The following APBA1 variants were observed in gnomAD, a reference collection of about 807,000 sequenced individuals.
The protein encoded by APBA1 is amyloid beta precursor protein binding family A member 1, also known as amyloid-beta A4 precursor protein-binding family A member 1.
In APBA1, 55 loss-of-function variants were observed where a neutral mutation model predicts 86.6. The ratio of observed to expected loss-of-function variants is 0.64; its 90% CI spans 0.51 to 0.80. The LOEUF (loss-of-function observed/expected upper bound fraction) is 0.80. Among genes scored for constraint, APBA1 ranks in the 30% least tolerant of loss-of-function variants. The pLI is 0.00. For synonymous variants in APBA1, 511 were observed against 493.9 expected, an observed-to-expected ratio of 1.03 and a Z score of -0.46; for missense variants, 1,090 against 1,183.0, an observed-to-expected ratio of 0.92 and a Z score of 1.15.
At chr9:69,442,022 C>T (rs1834832454) in intron 10 of APBA1, among the ~76,000 whole-genome samples, 1 of 152,182 alleles carries the variant, frequency 6.6e-6, no homozygotes, top group Admixed American at 6.5e-5. Flanking sequence ...CACAAGGCTA[C>T]ACTTGCCCTC....
At chr9:69,565,573 G>T (rs369077929) in intron 1 of APBA1, among the ~76,000 whole-genome samples, 1 of 151,972 alleles carries the variant, frequency 6.6e-6, no homozygotes, top group Admixed American at 6.5e-5. Context: ...TACTCCCATC[G>T]CATTTCTCTT....
intron 3 of APBA1, among the ~76,000 whole-genome samples, chr9:69,473,752 A>T (rs1490157855): frequency 6.6e-6 from 1 of 151,460 alleles, no homozygotes; most frequent in Admixed American, 6.6e-5. Flanking sequence ...TACCATCTTT[A>T]AAAAAAAAGC....
intron 2 of APBA1, among the ~76,000 whole-genome samples, chr9:69,489,541 AC>A (rs2133857673): frequency 6.8e-6 from 1 of 146,634 alleles, no homozygotes; most frequent in East Asian, 2.1e-4. Flanking sequence ...AAGGCAACCT[AC>A]AAAAATGGGA....
At chr9:69,445,202 C>T (rs1038067531) in intron 10 of APBA1, among the ~76,000 whole-genome samples, 2 of 152,146 alleles carry the variant, frequency 1.3e-5, no homozygotes, top group African/African-American at 4.8e-5. Flanking sequence ...CCGGTTCTTT[C>T]CTTCTCTGTG....
chr9:69,579,056 G>C (rs150865970), intron 1 of APBA1, among the ~76,000 whole-genome samples: 107 of 149,228 alleles, frequency 7.2e-4, no homozygotes, highest in Admixed American at 6.9e-3. Context: ...ATTTCAACGA[G>C]TTTTTTTTTT....
intron 1 of APBA1, among the ~76,000 whole-genome samples, chr9:69,521,610 A>G (rs1836253387): frequency 6.6e-6 from 1 of 152,196 alleles, no homozygotes; most frequent in East Asian, 1.9e-4. Context: ...TCATAGGGAA[A>G]CATTTTATGA....
intron 1 of APBA1, among the ~76,000 whole-genome samples, chr9:69,531,846 ACT>A (rs912416417): frequency 6.6e-6 from 1 of 152,198 alleles, no homozygotes; most frequent in Non-Finnish European, 1.5e-5. Context: ...AAGAATGCAC[ACT>A]GAGTCAGACT....
chr9:69,428,505 G>A lies in APBA1; in HGVS notation c.*2822C>T, dbSNP rs1409013159. 6.6e-6 allele frequency: 1 copy of A among 152,264 alleles called. No homozygotes were observed. The highest frequency in any genetic ancestry group is 1.5e-5 in the Non-Finnish European group (1 of 68,090). 9.4% of individuals were successfully genotyped at this position (152,264 alleles called of 1,614,324 possible). A position where few individuals can be genotyped will look rare whatever the true frequency, so the allele number is the denominator to read the frequency against. On this transcript the variant is annotated 3_prime_UTR_variant, in exon 13 of 13. Coordinates refer to ENST00000265381, the MANE Select transcript of APBA1 (RefSeq NM_001163.4). ...GTGCCTCTGCCTGGACCAGGAGGGG[G>A]AGGTGAACGTGGGAGTCCAACCCCA...
At chr9:69,462,906 G>C (rs1835213647) in intron 5 of APBA1, 1 of 152,148 alleles carries the variant, frequency 6.6e-6, no homozygotes, top group African/African-American at 2.4e-5. Flanking sequence ...CTGAAAACCT[G>C]TACTTCTAAG....
chr9:69,483,135 T>A (rs1157950633), intron 2 of APBA1, among the ~76,000 whole-genome samples: 11 of 131,554 alleles, frequency 8.4e-5, no homozygotes, highest in East Asian at 4.4e-4. Context: ...AAAAATTAAG[T>A]CAAAAAAACA....
At chr9:69,493,847 C>T (rs1025507799) in intron 2 of APBA1, among the ~76,000 whole-genome samples, 13 of 152,244 alleles carry the variant, frequency 8.5e-5, no homozygotes, top group African/African-American at 2.9e-4. Flanking sequence ...TTTGCACTTA[C>T]GCTTACTGGT....
chr9:69,558,955 C>G (rs867392782), intron 1 of APBA1, among the ~76,000 whole-genome samples: 1 of 152,218 alleles, frequency 6.6e-6, no homozygotes, highest in Non-Finnish European at 1.5e-5. Context: ...ACTCCAATTA[C>G]CACCTACCAC....
At chr9:69,497,204 C>T (rs1444382595) in intron 2 of APBA1, among the ~76,000 whole-genome samples, 1 of 151,980 alleles carries the variant, frequency 6.6e-6, no homozygotes, top group Admixed American at 6.6e-5. Flanking sequence ...TAATGGATAA[C>T]ACCTGCGATG....
chr9:69,442,640 G>C (rs1224849047), intron 10 of APBA1, among the ~76,000 whole-genome samples: 1 of 152,214 alleles, frequency 6.6e-6, no homozygotes, highest in African/African-American at 2.4e-5. Flanking sequence ...CCCTCTACGA[G>C]TGAAGTGGAA....
At chr9:69,620,134 A>T (rs769268378) in intron 1 of APBA1, among the ~76,000 whole-genome samples, 1 of 152,056 alleles carries the variant, frequency 6.6e-6, no homozygotes, top group Non-Finnish European at 1.5e-5. Flanking sequence ...CTCCCTCACC[A>T]CGTTAGATCT....
At chr9:69,623,853 G>A (rs1484745210) in intron 1 of APBA1, among the ~76,000 whole-genome samples, 1 of 152,170 alleles carries the variant, frequency 6.6e-6, no homozygotes, top group African/African-American at 2.4e-5. Flanking sequence ...TTATGACCTT[G>A]AGTAGGTCAT....
At chr9:69,534,099 C>T (rs1836471988) in intron 1 of APBA1, among the ~76,000 whole-genome samples, 1 of 152,184 alleles carries the variant, frequency 6.6e-6, no homozygotes, top group East Asian at 1.9e-4. Flanking sequence ...GCAAACAACA[C>T]AAAGCAAATC....
chr9:69,531,444 C>A (rs1564068683), intron 1 of APBA1, among the ~76,000 whole-genome samples: 1 of 152,160 alleles, frequency 6.6e-6, no homozygotes, highest in Non-Finnish European at 1.5e-5. Flanking sequence ...TCCCAAGGGG[C>A]CTGGCTCCAT....
At chr9:69,605,302 A>AAACT (rs1822450606) in intron 1 of APBA1, among the ~76,000 whole-genome samples, 3 of 152,228 alleles carry the variant, frequency 2.0e-5, no homozygotes, top group Admixed American at 2.0e-4. Context: ...TCCCCAGAGC[A>AAACT]AACTAAAAAG....
Sources: allele counts gnomAD v4.1 joint callset (sites outside exome capture counted in the v4.1 genomes callset), GRCh38; gene constraint gnomAD v4.1.1; transcripts MANE v1.5; gene names NCBI Gene and HGNC (gene_info 2026-07-23, HGNC 2026-07-21).